The following CALN1 variants were observed in gnomAD, a reference collection of about 807,000 sequenced individuals.
CALN1 encodes the protein calcium-binding protein 8.
Under a neutral mutation model 30.6 loss-of-function variants are expected in CALN1, and 17 were observed. The ratio of observed to expected loss-of-function variants is 0.56; its 90% CI spans 0.38 to 0.83. The LOEUF (loss-of-function observed/expected upper bound fraction) is 0.83, where lower values mean the gene tolerates loss of function less well. CALN1 is among the 40% of genes least tolerant of loss of function. The pLI is 0.00. For synonymous variants in CALN1, 156 were observed against 131.4 expected, an observed-to-expected ratio of 1.19 and a Z score of -1.28; for missense variants, 291 against 354.9, an observed-to-expected ratio of 0.82 and a Z score of 1.45.
At chr7:72,419,881 T>G (rs1807552190) in intron 1 of CALN1, among the ~76,000 whole-genome samples, 2 of 151,910 alleles carry the variant, frequency 1.3e-5, no homozygotes, top group Non-Finnish European at 2.9e-5. Flanking sequence ...AAGATCACCT[T>G]CTCCCCACAC....
rs143110458 is a variant in CALN1, at chr7:72,318,426, G to A, written c.120-39616C>T. Among the ~76,000 whole-genome samples the A allele has an allele frequency of 2.0e-3, 307 of 152,286 alleles. 1 individual carries two copies. The highest frequency in any genetic ancestry group is 6.5e-3 in the African/African-American group (272 of 41,576). ...CAGAAGATCAGGATTCCTTGCAGAA[G>A]AACCACCTTGCAAACAGACACAAGC... On this transcript the variant is annotated intron_variant, in intron 2 of 6. Transcript: ENST00000395275.
intron 5 of CALN1, among the ~76,000 whole-genome samples, chr7:71,922,187 A>G (rs1043368710): frequency 6.6e-6 from 1 of 152,200 alleles, no homozygotes; most frequent in Non-Finnish European, 1.5e-5. Flanking sequence ...AATTGAAAGT[A>G]AAATGGATTC....
At chr7:71,862,950 A>G (rs554262658) in intron 5 of CALN1, among the ~76,000 whole-genome samples, 12 of 152,318 alleles carry the variant, frequency 7.9e-5, no homozygotes, top group South Asian at 4.1e-4. Flanking sequence ...ATGAACTTCA[A>G]TAGGGGAACT....
intron 2 of CALN1, among the ~76,000 whole-genome samples, chr7:72,283,063 A>C (rs995082621): frequency 4.6e-5 from 7 of 151,946 alleles, no homozygotes; most frequent in Non-Finnish European, 7.4e-5. Flanking sequence ...TCAAAAAAAA[A>C]AAAAAAAAGA....
chr7:71,980,925 GA>G (rs1177179740), intron 5 of CALN1, among the ~76,000 whole-genome samples: 1 of 151,998 alleles, frequency 6.6e-6, no homozygotes, highest in African/African-American at 2.4e-5. Flanking sequence ...CTCGACTCAG[GA>G]AAAGAGGCCA....
chr7:72,192,314 C>G (rs1438810592), intron 3 of CALN1, among the ~76,000 whole-genome samples: 1 of 152,200 alleles, frequency 6.6e-6, no homozygotes, highest in Non-Finnish European at 1.5e-5. Context: ...GTTTCCTTCT[C>G]TGACTCTGCT....
intron 1 of CALN1, among the ~76,000 whole-genome samples, chr7:72,422,785 T>A (rs1199899863): frequency 6.6e-6 from 1 of 152,232 alleles, no homozygotes; most frequent in Non-Finnish European, 1.5e-5. Context: ...TGAACTCTCA[T>A]GGTGTCATTT....
intron 5 of CALN1, among the ~76,000 whole-genome samples, chr7:71,994,028 G>C (rs1300339127): frequency 1.3e-5 from 2 of 151,924 alleles, no homozygotes; most frequent in African/African-American, 4.8e-5. Flanking sequence ...AAAGTTAATG[G>C]AATAATATTT....
intron 3 of CALN1, among the ~76,000 whole-genome samples, chr7:72,261,032 G>A (rs572799414): frequency 1.3e-5 from 2 of 152,294 alleles, no homozygotes; most frequent in East Asian, 1.9e-4. Context: ...AGTAGGCTGG[G>A]CACGGTGGCT....
chr7:72,493,216 G>C, the CALN1 span, among the ~76,000 whole-genome samples: 1 of 152,082 alleles, frequency 6.6e-6, no homozygotes, highest in Non-Finnish European at 1.5e-5. Context: ...TGTCTCTATA[G>C]ATTTGCTTAT....
upstream of CALN1, among the ~76,000 whole-genome samples, chr7:72,416,273 A>G (rs1807415455): frequency 6.6e-6 from 1 of 152,226 alleles, no homozygotes; most frequent in African/African-American, 2.4e-5. Flanking sequence ...ATATAATTAG[A>G]AGTGGGTATA....
At chr7:72,048,038 CTTCT>C (rs1563008712) in intron 4 of CALN1, among the ~76,000 whole-genome samples, 2 of 137,372 alleles carry the variant, frequency 1.5e-5, no homozygotes, top group South Asian at 4.7e-4. Flanking sequence ...TCTTCTTCTT[CTTCT>C]TTTTTTTTTT....
At chr7:72,253,791 A>G (rs1392307127) in intron 3 of CALN1, among the ~76,000 whole-genome samples, 1 of 152,164 alleles carries the variant, frequency 6.6e-6, no homozygotes, top group Non-Finnish European at 1.5e-5. Flanking sequence ...CCCAGGCTGG[A>G]GTGCAGTAGC....
chr7:72,269,765 T>C (rs1796850821), intron 3 of CALN1, among the ~76,000 whole-genome samples: 1 of 152,150 alleles, frequency 6.6e-6, no homozygotes, highest in Non-Finnish European at 1.5e-5. Context: ...GGATTCACAA[T>C]GTTCAGTCTA....
chr7:72,031,055 A>T (rs1801406534), intron 4 of CALN1, among the ~76,000 whole-genome samples: 1 of 152,216 alleles, frequency 6.6e-6, no homozygotes, highest in Admixed American at 6.5e-5. Context: ...ACAAATGAGA[A>T]AACTGAGGCT....
At position 71,815,276 on chromosome 7, in the gene CALN1, G is replaced by C. The variant is rs375171436; in HGVS notation, c.502-4784C>G. On this transcript the variant is annotated intron_variant, in intron 5 of 6. Coordinates refer to ENST00000395275, the MANE Select transcript of CALN1 (RefSeq NM_031468.4). ...TGCCCCTCATCTTTGCTTTGCCTAA[G>C]GGTCTACTATATTTGTTTCCCCTTG... 1.1e-4 allele frequency among the ~76,000 whole-genome samples: 17 copies of C among 152,246 alleles called. No individual in the cohort carries two copies. The East Asian group carries it at 2.5e-3, about 22-fold the overall frequency.
intron 5 of CALN1, among the ~76,000 whole-genome samples, chr7:71,933,903 T>A (rs575623698): frequency 1.3e-5 from 2 of 151,848 alleles, no homozygotes; most frequent in East Asian, 3.9e-4. Flanking sequence ...GTGACGTGAG[T>A]GAGTGACATG....
At chr7:72,209,314 T>TTCCC (rs1308584388) in intron 3 of CALN1, among the ~76,000 whole-genome samples, 7 of 78,318 alleles carry the variant, frequency 8.9e-5, no homozygotes, top group Non-Finnish European at 9.1e-5. Context: ...CCTTCCCTCC[T>TTCCC]TCCCTCCTTC....
chr7:72,197,271 G>A (rs1249538362), intron 3 of CALN1, among the ~76,000 whole-genome samples: 4 of 135,630 alleles, frequency 2.9e-5, no homozygotes, highest in Non-Finnish European at 3.0e-5. Context: ...TGCAATCTCT[G>A]GCTCACTGCA....
Sources: gnomAD v4.1 joint callset for allele counts (sites outside exome capture counted in the v4.1 genomes callset) on GRCh38, gnomAD v4.1.1 for gene constraint, MANE v1.5 for transcripts, NCBI Gene and HGNC (gene_info 2026-07-23, HGNC 2026-07-21) for gene names.